BUB1B: variants seen among roughly 807,000 people sequenced by gnomAD.
BUB1B encodes BUB1 mitotic checkpoint serine/threonine kinase B, also known as mitotic checkpoint serine/threonine-protein kinase BUB1 beta.
A neutral mutation model predicts 137.7 loss-of-function variants in BUB1B; 86 were observed. The observed-to-expected ratio is 0.62, with a 90% confidence interval of 0.52 to 0.75. The LOEUF (loss-of-function observed/expected upper bound fraction) is 0.75, where lower values mean the gene tolerates loss of function less well. BUB1B is among the 30% of genes least tolerant of loss of function. The pLI is 0.00. For synonymous variants in BUB1B, 420 were observed against 417.9 expected (o/e 1.00, Z -0.06); for missense variants, 1,130 against 1,236.9 (o/e 0.91, Z 1.30).
Position 40,161,226 on chromosome 15 carries a change from G to A in BUB1B, c.6G>A (p.Ala2=). M[A]AVKKEGGALS... is the part of the protein sequence containing the mutation. ...ACCTGAGCCAGGAATGCAGGATGGC[G>A]GCGGTGAAGAAGGAAGGGGGTGCTC... Residue 2 remains alanine, a synonymous_variant, in exon 1 of 23, where the codon GCG becomes GCA. Transcript: ENST00000287598. 1.2e-6 allele frequency: 2 copies of A among 1,613,542 alleles called. No individual in the cohort carries two copies. The highest frequency in any genetic ancestry group is 1.7e-6 in the Non-Finnish European group (2 of 1,179,744).
intron 8 of BUB1B, among the ~76,000 whole-genome samples, chr15:40,193,378 G>T (rs1320187878): frequency 3.1e-5 from 4 of 128,586 alleles, no homozygotes; most frequent in Non-Finnish European, 6.6e-5. Context: ...GTATCTTATT[G>T]TTTTAATTTG....
rs1198228762 is a variant in BUB1B at position 40,176,631 on chromosome 15, A to G, written c.539A>G (p.Gln180Arg). 6.2e-7 allele frequency: 1 copy of G among 1,614,056 alleles called. No homozygotes were observed. Among genetic ancestry groups the G allele is most frequent in the Non-Finnish European group, 8.5e-7 (1 of 1,180,028 alleles). Residue 180 changes from glutamine to arginine, a missense_variant, in exon 5 of 23, where the codon CAA (glutamine) becomes CGA (arginine). Coordinates refer to ENST00000287598, the MANE Select transcript of BUB1B (RefSeq NM_001211.6). ...GATGCGATATTTCAGGAAGGGATTC[A>G]ACAGAAGGCTGAACCACTAGAAAGA... is the stretch of plus-strand genomic sequence containing the variant. ...KADAIFQEGIQQKAEPLERLQ... is the reference protein window; with the variant it reads ...KADAIFQEGIRQKAEPLERLQ...
chr15:40,198,415 A>G (rs1419306056), intron 9 of BUB1B, among the ~76,000 whole-genome samples: 1 of 152,138 alleles, frequency 6.6e-6, no homozygotes, highest in African/African-American at 2.4e-5. Context: ...AATCTATTTC[A>G]TGAACTTGTA....
intron 8 of BUB1B, among the ~76,000 whole-genome samples, chr15:40,193,540 A>G (rs1312883790): frequency 1.4e-5 from 2 of 139,362 alleles, no homozygotes; most frequent in African/African-American, 5.5e-5. Flanking sequence ...GGCTCAAGCA[A>G]TCCTCCTGCC....
chr15:40,183,073 G>T (rs1412726675), intron 5 of BUB1B, among the ~76,000 whole-genome samples: 7 of 151,802 alleles, frequency 4.6e-5, no homozygotes, highest in South Asian at 2.1e-4. Context: ...GTTTTTTGGG[G>T]TTTTTTTTAC....
At chr15:40,208,845 CT>C (rs1566827300) in intron 16 of BUB1B, 75 bp downstream of exon 16, 2 of 1,491,582 alleles carry the variant, frequency 1.3e-6, no homozygotes, top group Non-Finnish European at 9.3e-7. Context: ...GTATGTTTTT[CT>C]TTTTTTGAGA....
rs1393959731 is a variant in BUB1B at position 40,199,940 on chromosome 15, A to T, written c.1401+213A>T. On this transcript the variant is annotated intron_variant, in intron 10 of 22. Transcript: ENST00000287598. ...GTGAAATAAGTGGTGCAGTTTATTGACTTCTTAGTTATACTCCAAATCATT... is the reference window on the plus strand; with the variant it reads ...GTGAAATAAGTGGTGCAGTTTATTGTCTTCTTAGTTATACTCCAAATCATT... The T allele has an allele frequency of 5.0e-6, 3 of 594,548 alleles. No individual in the cohort carries two copies. The African/African-American group carries it at 5.6e-5, about 11-fold the overall frequency. 36.8% of individuals were successfully genotyped at this position (594,548 alleles called of 1,614,324 possible).
At chr15:40,215,834 C>A (rs1292685979) in intron 20 of BUB1B, among the ~76,000 whole-genome samples, 1 of 151,986 alleles carries the variant, frequency 6.6e-6, no homozygotes, top group Non-Finnish European at 1.5e-5. Context: ...AATCCCAGCA[C>A]TTTGGGAGGC....
chr15:40,167,210 T>G (rs1368532150), intron 2 of BUB1B, among the ~76,000 whole-genome samples: 4 of 151,314 alleles, frequency 2.6e-5, no homozygotes, highest in Admixed American at 1.3e-4. Flanking sequence ...AGTTTTAAAT[T>G]TTGATGAAGT....
intron 1 of BUB1B, among the ~76,000 whole-genome samples, chr15:40,162,446 T>G (rs552282484): frequency 7.9e-4 from 121 of 152,280 alleles, no homozygotes; most frequent in African/African-American, 2.9e-3. Flanking sequence ...GCTGTAGTGT[T>G]GAATACACTA....
At chr15:40,210,943 G>A (rs565192659) in intron 18 of BUB1B, among the ~76,000 whole-genome samples, 120 of 152,208 alleles carry the variant, frequency 7.9e-4, no homozygotes, top group African/African-American at 2.9e-3. Context: ...TGTCACTTAT[G>A]TGCTAGGTAC....
intron 20 of BUB1B, among the ~76,000 whole-genome samples, chr15:40,213,918 A>G (rs2037744590): frequency 6.6e-6 from 1 of 152,252 alleles, no homozygotes; most frequent in Non-Finnish European, 1.5e-5. Flanking sequence ...CCTAAAAGTC[A>G]AAAATCATTA....
intron 20 of BUB1B, 61 bp downstream of exon 20, chr15:40,213,535 C>CTT: frequency 2.4e-5 from 35 of 1,437,114 alleles, no homozygotes; most frequent in Middle Eastern, 1.8e-4. Context: ...ATAGTTGCCA[C>CTT]TTTTTTTTTT....
chr15:40,178,774 A>C (rs955428776), intron 5 of BUB1B, among the ~76,000 whole-genome samples: 1 of 152,082 alleles, frequency 6.6e-6, no homozygotes, highest in African/African-American at 2.4e-5. Flanking sequence ...TCATTATATA[A>C]TGTCTCCCTT....
intron 8 of BUB1B, among the ~76,000 whole-genome samples, chr15:40,195,090 G>A (rs1048228477): frequency 6.6e-6 from 1 of 152,094 alleles, no homozygotes; most frequent in Non-Finnish European, 1.5e-5. Flanking sequence ...CGTCACCTGA[G>A]CAGTGTACAC....
chr15:40,166,378 C>T (rs951507772), intron 2 of BUB1B: 34 of 429,188 alleles, frequency 7.9e-5, no homozygotes, highest in Middle Eastern at 7.5e-4. Flanking sequence ...CTCGCTCTTT[C>T]GGCCAGGCTG....
chr15:40,168,172 A>C (rs1210671403), intron 2 of BUB1B, among the ~76,000 whole-genome samples: 3 of 152,148 alleles, frequency 2.0e-5, no homozygotes, highest in Non-Finnish European at 4.4e-5. Flanking sequence ...GTTTAAGACC[A>C]GCCTGACCAA....
chr15:40,167,630 T>C (rs2037116395), intron 2 of BUB1B, among the ~76,000 whole-genome samples: 1 of 152,164 alleles, frequency 6.6e-6, no homozygotes, highest in South Asian at 2.1e-4. Flanking sequence ...CATGAGCCAC[T>C]GCGTCCAGCC....
At chr15:40,202,797 G>A (rs2037591269) in intron 14 of BUB1B, 103 bp downstream of exon 14, 1 of 1,021,552 alleles carries the variant, frequency 9.8e-7, no homozygotes, top group Admixed American at 1.8e-5. Context: ...CTTGAATTAA[G>A]CACATGAAAA....
Sources: allele counts gnomAD v4.1 joint callset (sites outside exome capture counted in the v4.1 genomes callset), GRCh38; gene constraint gnomAD v4.1.1; transcripts MANE v1.5; gene names NCBI Gene and HGNC (gene_info 2026-07-23, HGNC 2026-07-21).